The following SCGB2B2 variants were observed in gnomAD, a reference collection of about 807,000 sequenced individuals.
The protein encoded by SCGB2B2 is secretoglobin family 2B member 2, also known as secretoglobin-like protein.
SCGB2B2 carries 11 observed loss-of-function variants against 7.6 expected under a neutral mutation model. The observed-to-expected ratio is 1.45, with a 90% CI of 0.91 to 2.40. SCGB2B2 has a LOEUF of 2.40. SCGB2B2 is among the 30% of genes most tolerant of loss of function. SCGB2B2 has a pLI of 0.00. For missense variants in SCGB2B2, 104 were observed against 115.4 expected, an observed-to-expected ratio of 0.90 and a Z score of 0.45; for synonymous variants, 50 against 48.6, an observed-to-expected ratio of 1.03 and a Z score of -0.12.
At chr19:34,596,915 C>G (rs2065473767) in intron 1 of SCGB2B2, among the ~76,000 whole-genome samples, 1 of 151,974 alleles carries the variant, frequency 6.6e-6, no homozygotes, top group African/African-American at 2.4e-5. Context: ...GTCTCAACCC[C>G]CACAGCTGCA....
At position 34,594,626 on chromosome 19, in the gene SCGB2B2, A is replaced by G. The variant is rs570718270; in HGVS notation, c.-63T>C. On this transcript the variant is annotated 5_prime_UTR_variant, in exon 2 of 4. Transcript: ENST00000601241. ...ATTTGGCGATGGGTGAGCTTTATGT[A>G]TATCTGAACAAGGCACATGCCTCTT... The G allele has an allele frequency of 1.5e-4, 188 of 1,286,460 alleles. 1 individual carries two copies. In the South Asian group the frequency reaches 1.6e-3, roughly 11 times the overall value. 79.7% of individuals were successfully genotyped at this position (1,286,460 alleles called of 1,614,324 possible). A position where few individuals can be genotyped will look rare whatever the true frequency, so the allele number is the denominator to read the frequency against.
In SCGB2B2 at chr19:34,593,264, GA is replaced by G; in HGVS notation, c.*290del. 2 of 333,848 alleles carry G rather than the reference GA, an allele frequency of 6.0e-6. No homozygotes were observed. Among genetic ancestry groups the G allele is most frequent in the Non-Finnish European group, 1.1e-5 (2 of 181,248 alleles). 20.7% of individuals were successfully genotyped at this position (333,848 alleles called of 1,614,324 possible). On this transcript the variant is annotated 3_prime_UTR_variant, in exon 4 of 4. Transcript: ENST00000601241. ...GAACCCAGAAGGTGGAGGCTGCAGT[GA>G]GCCAAGATCGCGCCAATGCACTCCA...
chr19:34,586,851 T>C (rs561745302), downstream of SCGB2B2, among the ~76,000 whole-genome samples: 91 of 152,342 alleles, frequency 6.0e-4, no homozygotes, highest in African/African-American at 2.0e-3. Flanking sequence ...TCTGATACCA[T>C]TGCGTTTTCT....
At chr19:34,620,406 T>C (rs1276506666) in intron 1 of SCGB2B2, among the ~76,000 whole-genome samples, 1 of 151,822 alleles carries the variant, frequency 6.6e-6, no homozygotes, top group Non-Finnish European at 1.5e-5. Context: ...GAAACCATCA[T>C]TCTGAGCAAA....
At position 34,591,500 on chromosome 19, in the gene SCGB2B2, G is replaced by A. The variant is rs2065296512; in HGVS notation, c.*2055C>T. On this transcript the variant is annotated 3_prime_UTR_variant, in exon 4 of 4. Transcript: ENST00000601241. ...TCCTGCCTCTACTGCCGCCCCCGTTGCTCTATTCCAACAGGGAAAGTGTGA... is the reference window on the plus strand; with the variant it reads ...TCCTGCCTCTACTGCCGCCCCCGTTACTCTATTCCAACAGGGAAAGTGTGA... Among the ~76,000 whole-genome samples, 2 of 152,170 alleles carry A rather than the reference G, an allele frequency of 1.3e-5. No individual in the cohort carries two copies. The highest frequency in any genetic ancestry group is 4.1e-4 in the South Asian group (2 of 4,820).
Position 34,596,506 on chromosome 19 carries a change from G to A in SCGB2B2, c.-1943C>T, listed in dbSNP as rs1389995585. On this transcript the variant is annotated 5_prime_UTR_variant, in exon 2 of 4. Transcript: ENST00000601241. The stretch of plus-strand genomic sequence containing the variant: ...CAGGATTCCACCCACTATGTGGGGT[G>A]GAGGGTCTGTGATTATATGAATATG... 6.6e-6 allele frequency: 1 copy of A among 152,514 alleles called. No homozygotes were observed. Among genetic ancestry groups the A allele is most frequent in the Non-Finnish European group, 1.5e-5 (1 of 68,126 alleles). 9.4% of individuals were successfully genotyped at this position (152,514 alleles called of 1,614,324 possible).
intron 1 of SCGB2B2, among the ~76,000 whole-genome samples, chr19:34,644,123 C>T (rs891254484): frequency 6.6e-6 from 1 of 152,144 alleles, no homozygotes; most frequent in African/African-American, 2.4e-5. Context: ...TGATGGGTAA[C>T]GTGGCATACG....
chr19:34,674,173 G>A (rs957278237), intron 1 of SCGB2B2, among the ~76,000 whole-genome samples: 10 of 152,212 alleles, frequency 6.6e-5, no homozygotes, highest in Admixed American at 2.6e-4. Context: ...AGGAAAAGCA[G>A]AAACAATGAA....
intron 1 of SCGB2B2, among the ~76,000 whole-genome samples, chr19:34,609,676 A>G (rs894407392): frequency 5.3e-5 from 8 of 152,128 alleles, no homozygotes; most frequent in Non-Finnish European, 8.8e-5. Flanking sequence ...CCATTGGTCT[A>G]TGTGTCTGTT....
chr19:34,626,084 C>T (rs1004282884), intron 1 of SCGB2B2, among the ~76,000 whole-genome samples: 2 of 152,006 alleles, frequency 1.3e-5, no homozygotes, highest in African/African-American at 4.8e-5. Context: ...AAAACAAAGA[C>T]ATCCACACCA....
At chr19:34,632,598 C>CA (rs2066564757) in intron 1 of SCGB2B2, 2 of 152,138 alleles carry the variant, frequency 1.3e-5, no homozygotes, top group South Asian at 4.1e-4. Context: ...CTGACCATAC[C>CA]AAGTGTTGGT....
intron 1 of SCGB2B2, among the ~76,000 whole-genome samples, chr19:34,607,045 C>T (rs776945356): frequency 1.3e-5 from 2 of 152,212 alleles, no homozygotes; most frequent in Non-Finnish European, 2.9e-5. Flanking sequence ...ACTCATTCAT[C>T]CCCCGGCTAC....
chr19:34,645,973 A>G, intron 1 of SCGB2B2: 2 of 306,996 alleles, frequency 6.5e-6, no homozygotes, highest in Non-Finnish European at 1.3e-5. Flanking sequence ...GCTCAATACA[A>G]CCCCAGCCCC....
chr19:34,668,163 C>A (rs1278929965), intron 1 of SCGB2B2, among the ~76,000 whole-genome samples: 1 of 152,208 alleles, frequency 6.6e-6, no homozygotes, highest in African/African-American at 2.4e-5. Flanking sequence ...AGGCGGGAGC[C>A]GGCTCCCTCA....
intron 1 of SCGB2B2, among the ~76,000 whole-genome samples, chr19:34,641,521 C>T (rs578064404): frequency 9.8e-5 from 15 of 152,326 alleles, no homozygotes; most frequent in African/African-American, 2.9e-4. Flanking sequence ...GTCTCCATAT[C>T]TTGAGTCCTC....
In SCGB2B2 at chr19:34,593,488, G is replaced by A. The variant is rs2065351308; in HGVS notation, c.*67C>T. ...GTCTCTGTAGTGATGAACAGAGCCA[G>A]GCCAGGAACGCGGGGAGCCCCAAGG... On this transcript the variant is annotated 3_prime_UTR_variant, in exon 4 of 4. Transcript: ENST00000601241. The A allele has an allele frequency of 8.0e-7, 1 of 1,247,076 alleles. No individual in the cohort carries two copies. Among genetic ancestry groups the A allele is most frequent in the Middle Eastern group, 2.6e-4 (1 of 3,894 alleles). 77.3% of individuals were successfully genotyped at this position (1,247,076 alleles called of 1,614,324 possible).
chr19:34,675,474 C>T (rs2067899947), intron 1 of SCGB2B2, among the ~76,000 whole-genome samples, 156 bp downstream of exon 1: 1 of 152,212 alleles, frequency 6.6e-6, no homozygotes, highest in Admixed American at 6.5e-5. Context: ...GAGGCTGAGA[C>T]CTACTTCCCA....
intron 1 of SCGB2B2, chr19:34,637,587 C>G (rs908392726): frequency 5.7e-6 from 1 of 175,780 alleles, no homozygotes; most frequent in African/African-American, 2.4e-5. Flanking sequence ...CACAACTCAT[C>G]ATGAGACAGG....
At chr19:34,619,069 C>CT (rs1217332987) in intron 1 of SCGB2B2, among the ~76,000 whole-genome samples, 2 of 152,086 alleles carry the variant, frequency 1.3e-5, no homozygotes, top group Non-Finnish European at 2.9e-5. Flanking sequence ...TTTACATTGT[C>CT]TTTTTTAAAG....
Sources: allele counts gnomAD v4.1 joint callset (sites outside exome capture counted in the v4.1 genomes callset), GRCh38; gene constraint gnomAD v4.1.1; transcripts MANE v1.5; gene names NCBI Gene and HGNC (gene_info 2026-07-23, HGNC 2026-07-21).